SLC16A12: variants seen among roughly 807,000 people sequenced by gnomAD.
The protein encoded by SLC16A12 is solute carrier family 16 member 12, also known as monocarboxylate transporter 12.
In SLC16A12, 17 loss-of-function variants were observed where a neutral mutation model predicts 42.4. The observed-to-expected ratio is 0.40, with a 90% CI of 0.27 to 0.60. SLC16A12 has a LOEUF of 0.60. SLC16A12 is among the 20% of genes least tolerant of loss of function. The pLI is 0.42. For synonymous variants in SLC16A12, 224 were observed against 229.4 expected (o/e 0.98, Z 0.21); for missense variants, 544 against 623.0 (o/e 0.87, Z 1.35).
chr10:89,432,901 T>C lies in SLC16A12; in HGVS notation c.*163A>G. The C allele has an allele frequency of 1.0e-6, 1 of 994,910 alleles. No individual in the cohort carries two copies. Among genetic ancestry groups the C allele is most frequent in the South Asian group, 1.8e-5 (1 of 56,964 alleles). 61.6% of individuals were successfully genotyped at this position (994,910 alleles called of 1,614,324 possible). ...TCTGGGCTAGTCCAGCTTTCCTTAT[T>C]ATGTGCTGTTTTCCCTTATAAATAT... On this transcript the variant is annotated 3_prime_UTR_variant, in exon 8 of 8. Transcript: ENST00000371790.
chr10:89,495,173 T>C (rs1005671101), intron 2 of SLC16A12, among the ~76,000 whole-genome samples: 3 of 151,984 alleles, frequency 2.0e-5, no homozygotes, highest in Non-Finnish European at 4.4e-5. Flanking sequence ...CAACATATAG[T>C]GAAACCCCGT....
chr10:89,504,169 C>T (rs1354192354), intron 2 of SLC16A12, among the ~76,000 whole-genome samples: 4 of 152,186 alleles, frequency 2.6e-5, no homozygotes, highest in African/African-American at 4.8e-5. Context: ...CTCTGAAAGT[C>T]TCTTTTCCGT....
intron 2 of SLC16A12, among the ~76,000 whole-genome samples, chr10:89,516,512 C>A (rs1168490310): frequency 6.6e-6 from 1 of 152,220 alleles, no homozygotes; most frequent in Non-Finnish European, 1.5e-5. Flanking sequence ...ATGTTTTTAA[C>A]TGGCAAGGTA....
rs1564823400 is a variant in SLC16A12, at chr10:89,436,025, G to A, written c.1288+35C>T. The stretch of plus-strand genomic sequence containing the variant: ...TGTTTTCACATCAATATGCCAAAGA[G>A]AAAAGGTGGTTGGGGTTTCTCTCTG... On this transcript the variant is annotated intron_variant, in intron 7 of 7. Coordinates refer to ENST00000371790, the MANE Select transcript of SLC16A12 (RefSeq NM_213606.4). The A allele has an allele frequency of 1.9e-6, 3 of 1,612,728 alleles. No homozygotes were observed. In the South Asian group the frequency reaches 3.3e-5, roughly 18 times the overall value.
chr10:89,542,016 C>T (rs992101550), intron 2 of SLC16A12, among the ~76,000 whole-genome samples: 2 of 152,024 alleles, frequency 1.3e-5, no homozygotes, highest in Admixed American at 6.5e-5. Context: ...ATCCCAGGGG[C>T]GATAGTGCCT....
At chr10:89,494,839 G>C (rs1317754017) in intron 2 of SLC16A12, among the ~76,000 whole-genome samples, 4 of 152,148 alleles carry the variant, frequency 2.6e-5, no homozygotes, top group Admixed American at 2.6e-4. Context: ...AAAGTTTGTA[G>C]AAGTTCCCAC....
At chr10:89,537,595 G>T (rs1359378240), upstream of SLC16A12, among the ~76,000 whole-genome samples, 1 of 152,144 alleles carries the variant, frequency 6.6e-6, no homozygotes, top group Non-Finnish European at 1.5e-5. Context: ...AAATGTAGAG[G>T]CTGCCATGAG....
At chr10:89,455,418 C>T (rs1244162346) in intron 3 of SLC16A12, among the ~76,000 whole-genome samples, 2 of 152,054 alleles carry the variant, frequency 1.3e-5, no homozygotes, top group African/African-American at 4.8e-5. Flanking sequence ...TTTAGATATA[C>T]AGAAATCAAA....
intron 4 of SLC16A12, among the ~76,000 whole-genome samples, chr10:89,443,197 T>C (rs1253224251): frequency 6.6e-6 from 1 of 152,168 alleles, no homozygotes; most frequent in Non-Finnish European, 1.5e-5. Flanking sequence ...CATAATCCTA[T>C]CCTTCCCCAA....
rs751501542 is a variant in SLC16A12, at chr10:89,439,154, C to G, written c.478G>C (p.Ala160Pro). 17 of 1,614,156 alleles carry G rather than the reference C, an allele frequency of 1.1e-5. No homozygotes were observed. The highest frequency in any genetic ancestry group is 1.4e-5 in the Non-Finnish European group (17 of 1,180,030). Residue 160 changes from alanine (A) to proline (P), a missense_variant, in exon 6 of 8, where the codon GCT (alanine) becomes CCT (proline). Transcript: ENST00000371790. ...GLGFALCYSPAIAMVGKYFSR... is the reference protein window; with the variant it reads ...GLGFALCYSPPIAMVGKYFSR... ...AAGTACTTGCCAACCATGGCAATAG[C>G]TGGAGAGTAACAAAGTGCAAATCCA...
intron 3 of SLC16A12, among the ~76,000 whole-genome samples, chr10:89,457,988 A>G (rs1434455330): frequency 6.6e-6 from 1 of 152,204 alleles, no homozygotes; most frequent in African/African-American, 2.4e-5. Flanking sequence ...ATCAATAATG[A>G]AAGATGTTAG....
chr10:89,515,979 C>T (rs1843244673), intron 2 of SLC16A12, among the ~76,000 whole-genome samples: 1 of 152,026 alleles, frequency 6.6e-6, no homozygotes, highest in African/African-American at 2.4e-5. Flanking sequence ...AAGCAGAACG[C>T]CAAAAACAAA....
intron 3 of SLC16A12, among the ~76,000 whole-genome samples, chr10:89,460,744 C>CA (rs751005622): frequency 0.39 from 26,620 of 67,472 alleles, 4,895 homozygotes; most frequent in African/African-American, 0.45. Context: ...GACACTGTCT[C>CA]AAAAAAAAAA....
chr10:89,486,973 A>G (rs1003587477), intron 2 of SLC16A12, among the ~76,000 whole-genome samples: 1 of 152,224 alleles, frequency 6.6e-6, no homozygotes, highest in East Asian at 1.9e-4. Flanking sequence ...AGTGAAGTCA[A>G]AAGACACTCC....
chr10:89,483,280 A>G (rs1842694610), intron 2 of SLC16A12, among the ~76,000 whole-genome samples: 1 of 152,124 alleles, frequency 6.6e-6, no homozygotes, highest in African/African-American at 2.4e-5. Flanking sequence ...CTCCAGATAC[A>G]TCACATTGAG....
intron 5 of SLC16A12, among the ~76,000 whole-genome samples, chr10:89,440,493 T>C (rs367907478): frequency 3.9e-5 from 6 of 152,320 alleles, no homozygotes; most frequent in East Asian, 3.9e-4. Context: ...GGCGCTACTC[T>C]CCACACCCCT....
At chr10:89,518,507 G>T (rs574883164) in intron 2 of SLC16A12, among the ~76,000 whole-genome samples, 107 of 152,290 alleles carry the variant, frequency 7.0e-4, no homozygotes, top group African/African-American at 2.5e-3. Flanking sequence ...GCAAGCCTAA[G>T]GTATGAGAGA....
chr10:89,498,704 C>T (rs1411296039), intron 2 of SLC16A12, among the ~76,000 whole-genome samples: 1 of 152,034 alleles, frequency 6.6e-6, no homozygotes, highest in African/African-American at 2.4e-5. Context: ...ACCCACAGAC[C>T]CTCTGAAGGA....
intron 2 of SLC16A12, among the ~76,000 whole-genome samples, chr10:89,545,078 G>A (rs985507368): frequency 1.3e-5 from 2 of 152,196 alleles, no homozygotes; most frequent in Middle Eastern, 3.4e-3. Flanking sequence ...AGCCTCAAAT[G>A]GCCTGCTGGA....
Sources: gnomAD v4.1 joint callset for allele counts (sites outside exome capture counted in the v4.1 genomes callset) on GRCh38, gnomAD v4.1.1 for gene constraint, MANE v1.5 for transcripts, NCBI Gene and HGNC (gene_info 2026-07-23, HGNC 2026-07-21) for gene names.